Variants in PDE4D observed in about 807,000 individuals in gnomAD.
The protein encoded by PDE4D is phosphodiesterase 4D, also known as 3',5'-cyclic-AMP phosphodiesterase 4D.
Under a neutral mutation model 87.4 loss-of-function variants are expected in PDE4D, and 24 were observed. The observed-to-expected ratio is 0.27, with a 90% CI of 0.20 to 0.39. PDE4D has a LOEUF of 0.39. PDE4D is among the 10% of genes least tolerant of loss of function. PDE4D has a pLI of 1.00. For synonymous variants in PDE4D, 384 were observed against 383.2 expected, an observed-to-expected ratio of 1.00 and a Z score of -0.02; for missense variants, 714 against 1,041.0, an observed-to-expected ratio of 0.69 and a Z score of 4.32.
intron 1 of PDE4D, among the ~76,000 whole-genome samples, chr5:59,519,450 G>A (rs1007909067): frequency 6.6e-6 from 1 of 152,186 alleles, no homozygotes; most frequent in Non-Finnish European, 1.5e-5. Flanking sequence ...ATACTTAGAG[G>A]AAGAGAATTC....
At chr5:59,800,300 C>A (rs747224761) in intron 1 of PDE4D, among the ~76,000 whole-genome samples, 5 of 151,668 alleles carry the variant, frequency 3.3e-5, no homozygotes, top group Non-Finnish European at 7.4e-5. Context: ...TACAAAAGCT[C>A]GCAAAGTGCA....
chr5:59,057,559 C>T (rs1166566793), intron 5 of PDE4D, among the ~76,000 whole-genome samples: 1 of 152,224 alleles, frequency 6.6e-6, no homozygotes, highest in Non-Finnish European at 1.5e-5. Context: ...CCAGCTCACA[C>T]TGAAGCTTCA....
intron 2 of PDE4D, among the ~76,000 whole-genome samples, chr5:60,162,832 C>T (rs572601458): frequency 6.6e-6 from 1 of 151,950 alleles, no homozygotes; most frequent in African/African-American, 2.4e-5. Flanking sequence ...CCAGAAAGCC[C>T]AACACTTGGC....
intron 2 of PDE4D, among the ~76,000 whole-genome samples, chr5:60,026,217 T>C (rs1296130515): frequency 6.6e-6 from 1 of 152,206 alleles, no homozygotes; most frequent in East Asian, 1.9e-4. Flanking sequence ...TTGCTAAATA[T>C]TTCCATGGGA....
intron 5 of PDE4D, among the ~76,000 whole-genome samples, chr5:59,136,062 T>C (rs1777033365): frequency 6.6e-6 from 1 of 151,970 alleles, no homozygotes; most frequent in Non-Finnish European, 1.5e-5. Flanking sequence ...TAAAATTTTT[T>C]GAAAAGTTTA....
chr5:59,987,726 G>C (rs533952342), intron 3 of PDE4D: 2 of 152,160 alleles, frequency 1.3e-5, no homozygotes, highest in South Asian at 4.2e-4. Flanking sequence ...TTCTATCCAG[G>C]CTTCTTAAAA....
intron 1 of PDE4D, among the ~76,000 whole-genome samples, chr5:59,288,992 C>A (rs1767501964): frequency 1.3e-5 from 2 of 152,054 alleles, no homozygotes; most frequent in African/African-American, 4.8e-5. Context: ...AATAAGAAAT[C>A]ATCTGGAGGA....
At chr5:59,118,253 T>C (rs1038268870) in intron 5 of PDE4D, among the ~76,000 whole-genome samples, 2 of 152,336 alleles carry the variant, frequency 1.3e-5, no homozygotes, top group East Asian at 1.9e-4. Context: ...TTACTTGCCA[T>C]GGCTGGCCCA....
At chr5:60,222,661 A>C (rs1166320417) in intron 1 of PDE4D, among the ~76,000 whole-genome samples, 1 of 152,064 alleles carries the variant, frequency 6.6e-6, no homozygotes, top group African/African-American at 2.4e-5. Context: ...AGTCTTTTTC[A>C]TTTTAGCCAT....
In PDE4D at chr5:59,430,450, C is replaced by T. The variant is rs1481966461; in HGVS notation, c.456-214482G>A. Reference sequence around the variant, plus strand: ...CAAAAGGCAAGAAGTAAAAGCAAATCTGAGTAGTCAGACCAGCATTCCTGG... The same window carrying T: ...CAAAAGGCAAGAAGTAAAAGCAAATTTGAGTAGTCAGACCAGCATTCCTGG... On this transcript the variant is annotated intron_variant, in intron 1 of 14. Coordinates refer to ENST00000340635, the MANE Select transcript of PDE4D (RefSeq NM_001104631.2). 8 of 1,230,408 alleles carry T rather than the reference C, an allele frequency of 6.5e-6. 1 individual carries two copies. The East Asian group carries it at 2.5e-4, about 39-fold the overall frequency. 76.2% of individuals were successfully genotyped at this position (1,230,408 alleles called of 1,614,324 possible). A position where few individuals can be genotyped will look rare whatever the true frequency, so the allele number is the denominator to read the frequency against.
At chr5:59,486,239 A>G (rs892999080) in intron 1 of PDE4D, among the ~76,000 whole-genome samples, 1 of 152,046 alleles carries the variant, frequency 6.6e-6, no homozygotes, top group African/African-American at 2.4e-5. Context: ...CATCTAGGAA[A>G]CCACATTATT....
chr5:59,421,917 G>A (rs1286647331), intron 1 of PDE4D, among the ~76,000 whole-genome samples: 2 of 152,100 alleles, frequency 1.3e-5, no homozygotes, highest in African/African-American at 4.8e-5. Flanking sequence ...CCAGGACCCA[G>A]ACAAAGCACC....
intron 1 of PDE4D, among the ~76,000 whole-genome samples, chr5:60,313,049 A>G (rs1755189895): frequency 6.6e-6 from 1 of 152,208 alleles, no homozygotes; most frequent in Non-Finnish European, 1.5e-5. Context: ...CCCAAAAGCT[A>G]GCAGAGGAAA....
chr5:58,999,587 C>A, intron 6 of PDE4D: 1 of 1,225,766 alleles, frequency 8.2e-7, no homozygotes, highest in Non-Finnish European at 1.0e-6. Context: ...ATAGTAAGCT[C>A]TAAAATGTAT....
intron 1 of PDE4D, among the ~76,000 whole-genome samples, chr5:59,719,783 A>T (rs1010854022): frequency 2.0e-5 from 3 of 152,230 alleles, no homozygotes; most frequent in Non-Finnish European, 2.9e-5. Context: ...GTGTTAAGAG[A>T]TATTTTAGAG....
intron 1 of PDE4D, among the ~76,000 whole-genome samples, chr5:59,789,155 C>T (rs578029627): frequency 6.6e-6 from 1 of 152,174 alleles, no homozygotes; most frequent in Non-Finnish European, 1.5e-5. Flanking sequence ...TGGGAAGCCT[C>T]ACCTAAGAAA....
At chr5:59,989,113 T>TATATATAC (rs780796417) in intron 2 of PDE4D, among the ~76,000 whole-genome samples, 3 of 133,516 alleles carry the variant, frequency 2.2e-5, no homozygotes, top group African/African-American at 8.3e-5. Context: ...TATATATATA[T>TATATATAC]ATACACACAC....
chr5:59,906,145 C>A (rs925672542), intron 3 of PDE4D, among the ~76,000 whole-genome samples: 1 of 152,072 alleles, frequency 6.6e-6, no homozygotes, highest in African/African-American at 2.4e-5. Context: ...TCCTAATTTA[C>A]AGATGAGGAA....
chr5:59,464,065 G>A (rs184582894), intron 1 of PDE4D, among the ~76,000 whole-genome samples: 57 of 152,306 alleles, frequency 3.7e-4, no homozygotes, highest in East Asian at 1.4e-3. Flanking sequence ...CAAGTACCCA[G>A]GGACACAAAA....
Sources: allele counts gnomAD v4.1 joint callset (sites outside exome capture counted in the v4.1 genomes callset), GRCh38; gene constraint gnomAD v4.1.1; transcripts MANE v1.5; gene names NCBI Gene and HGNC (gene_info 2026-07-23, HGNC 2026-07-21).